The following SLC35F4 variants were observed in gnomAD, a reference collection of about 807,000 sequenced individuals.
SLC35F4 encodes chromosome 14 open reading frame 36.
A neutral mutation model predicts 44.2 loss-of-function variants in SLC35F4; 24 were observed. That is an observed-to-expected ratio of 0.54 (90% CI 0.39 to 0.76). The LOEUF (loss-of-function observed/expected upper bound fraction) is 0.76. SLC35F4 is among the 30% of genes least tolerant of loss of function. SLC35F4 has a pLI of 0.00. For missense variants in SLC35F4, 562 were observed against 586.1 expected (o/e 0.96, Z 0.42); for synonymous variants, 238 against 223.6 (o/e 1.06, Z -0.57).
chr14:57,788,028 C>T (rs900404660), intron 1 of SLC35F4, among the ~76,000 whole-genome samples: 1 of 152,132 alleles, frequency 6.6e-6, no homozygotes, highest in African/African-American at 2.4e-5. Flanking sequence ...TTAGGAGACT[C>T]ACCTAACACA....
chr14:57,573,620 G>T (rs2068630424), intron 4 of SLC35F4, among the ~76,000 whole-genome samples: 1 of 152,124 alleles, frequency 6.6e-6, no homozygotes, highest in Admixed American at 6.5e-5. Context: ...CAGTGAGGGG[G>T]TTATCTAGAC....
chr14:57,980,996 C>T (rs1881362242), intron 1 of SLC35F4, among the ~76,000 whole-genome samples: 1 of 152,034 alleles, frequency 6.6e-6, no homozygotes, highest in Admixed American at 6.6e-5. Flanking sequence ...TCCTCTATTC[C>T]CTACACCTGG....
chr14:57,619,872 C>T (rs1466383003), intron 1 of SLC35F4, among the ~76,000 whole-genome samples: 1 of 152,016 alleles, frequency 6.6e-6, no homozygotes, highest in African/African-American at 2.4e-5. Context: ...CTGAAAAACA[C>T]AGCACGAGAA....
In SLC35F4 at chr14:57,808,438, T is replaced by C. The variant is rs192683912; in HGVS notation, c.103+57285A>G. Among the ~76,000 whole-genome samples the C allele has an allele frequency of 3.3e-5, 5 of 152,020 alleles. No individual in the cohort carries two copies. The East Asian group carries it at 9.6e-4, about 29-fold the overall frequency. ...AATAAAATGCAAAGCATAATACTAA[T>C]TGATTAACAAAAACTCACACCTGGA... is the stretch of plus-strand genomic sequence containing the variant. On this transcript the variant is annotated intron_variant, in intron 1 of 7. Coordinates refer to ENST00000556826, the MANE Select transcript of SLC35F4 (RefSeq NM_001306087.2).
At chr14:57,727,594 A>G (rs1056106609) in intron 1 of SLC35F4, among the ~76,000 whole-genome samples, 1 of 150,976 alleles carries the variant, frequency 6.6e-6, no homozygotes, top group Non-Finnish European at 1.5e-5. Flanking sequence ...TGGTGTTTCC[A>G]TTATCATTTG....
At chr14:57,740,534 G>C (rs564649047) in intron 1 of SLC35F4, among the ~76,000 whole-genome samples, 1 of 152,118 alleles carries the variant, frequency 6.6e-6, no homozygotes, top group Non-Finnish European at 1.5e-5. Context: ...GTTAATTAAT[G>C]GGTAAAAACA....
intron 1 of SLC35F4, among the ~76,000 whole-genome samples, chr14:57,702,595 G>T (rs988201237): frequency 1.3e-5 from 2 of 151,946 alleles, no homozygotes; most frequent in African/African-American, 4.8e-5. Flanking sequence ...CTGTCATAAG[G>T]GTGAATATTA....
intron 1 of SLC35F4, among the ~76,000 whole-genome samples, chr14:57,943,211 G>A (rs765389304): frequency 2.0e-5 from 3 of 152,156 alleles, no homozygotes; most frequent in Non-Finnish European, 2.9e-5. Context: ...AGCCCCCAGT[G>A]GTTTTTGCAC....
intron 4 of SLC35F4, among the ~76,000 whole-genome samples, chr14:57,573,162 A>C (rs915748261): frequency 6.6e-6 from 1 of 152,194 alleles, no homozygotes; most frequent in Non-Finnish European, 1.5e-5. Flanking sequence ...GATTTTTAAC[A>C]TGTAATTACT....
chr14:57,913,633 A>G (rs1326412117), intron 1 of SLC35F4, among the ~76,000 whole-genome samples: 4 of 152,126 alleles, frequency 2.6e-5, no homozygotes, highest in Non-Finnish European at 5.9e-5. Context: ...CATTCATTTC[A>G]CTTATATTAA....
chr14:57,769,709 A>G (rs1426413164), intron 1 of SLC35F4, among the ~76,000 whole-genome samples: 1 of 152,174 alleles, frequency 6.6e-6, no homozygotes, highest in South Asian at 2.1e-4. Context: ...CAGGGCCCCT[A>G]TGGAAAGTAT....
chr14:57,876,284 T>G (rs950387373), intron 1 of SLC35F4, among the ~76,000 whole-genome samples: 5 of 124,348 alleles, frequency 4.0e-5, no homozygotes, highest in African/African-American at 3.0e-4. Context: ...TTACCCTTTG[T>G]GCTTACCCTT....
intron 1 of SLC35F4, among the ~76,000 whole-genome samples, chr14:57,912,315 C>G (rs575911027): frequency 3.3e-5 from 5 of 151,878 alleles, no homozygotes; most frequent in Admixed American, 1.3e-4. Context: ...AATTTGCACA[C>G]TTTTTCTAAT....
intron 1 of SLC35F4, among the ~76,000 whole-genome samples, chr14:57,740,155 A>T (rs2076569190): frequency 6.6e-6 from 1 of 152,162 alleles, no homozygotes; most frequent in African/African-American, 2.4e-5. Flanking sequence ...GTCATTTTAA[A>T]TTTAAAATGC....
chr14:57,871,621 A>G lies in SLC35F4; in HGVS notation n.282+110292T>C, dbSNP rs886459675. On this transcript the variant is annotated intron_variant and non_coding_transcript_variant, in intron 1 of 1. Coordinates refer to the SLC35F4 transcript ENST00000556568. ...CTAAAAATGCCAACCCTGCTGTGGT[A>G]GTCATTGTTACTGTTTGCCAAATAG... 2.0e-5 allele frequency among the ~76,000 whole-genome samples: 3 copies of G among 152,312 alleles called. No individual in the cohort carries two copies. The South Asian group carries it at 6.2e-4, about 32-fold the overall frequency.
intron 1 of SLC35F4, among the ~76,000 whole-genome samples, chr14:57,773,303 T>C (rs2077412322): frequency 6.6e-6 from 1 of 152,240 alleles, no homozygotes; most frequent in Non-Finnish European, 1.5e-5. Flanking sequence ...GCTATGCAGA[T>C]GTACTGTACA....
At chr14:57,687,740 C>T (rs529092223) in intron 1 of SLC35F4, among the ~76,000 whole-genome samples, 2 of 152,264 alleles carry the variant, frequency 1.3e-5, no homozygotes, top group Non-Finnish European at 2.9e-5. Flanking sequence ...CTTTACTGGC[C>T]TTACCTTAGT....
At chr14:57,836,796 G>A (rs888908238) in intron 1 of SLC35F4, among the ~76,000 whole-genome samples, 1 of 152,000 alleles carries the variant, frequency 6.6e-6, no homozygotes, top group African/African-American at 2.4e-5. Context: ...ATTACTTTAA[G>A]CAGATCACAG....
chr14:57,932,312 G>A (rs982709993), intron 1 of SLC35F4, among the ~76,000 whole-genome samples: 2 of 152,062 alleles, frequency 1.3e-5, no homozygotes, highest in Non-Finnish European at 2.9e-5. Flanking sequence ...TGTAATTTCT[G>A]GATAAACCAA....
Sources: allele counts gnomAD v4.1 joint callset (sites outside exome capture counted in the v4.1 genomes callset), GRCh38; gene constraint gnomAD v4.1.1; transcripts MANE v1.5; gene names NCBI Gene and HGNC (gene_info 2026-07-23, HGNC 2026-07-21).